The following PRDM8 variants were observed in gnomAD, a reference collection of about 807,000 sequenced individuals.
PRDM8 encodes the protein PR domain zinc finger protein 8.
Under a neutral mutation model 46.5 loss-of-function variants are expected in PRDM8, and 13 were observed. That is an observed-to-expected ratio of 0.28 (90% CI 0.18 to 0.44). The LOEUF (loss-of-function observed/expected upper bound fraction) is 0.44, where lower values mean the gene tolerates loss of function less well. Among genes scored for constraint, PRDM8 ranks in the 20% least tolerant of loss-of-function variants. The pLI, the probability that PRDM8 is intolerant of heterozygous loss-of-function variation, is 1.00. For synonymous variants in PRDM8, 473 were observed against 438.4 expected, an observed-to-expected ratio of 1.08 and a Z score of -0.98; for missense variants, 998 against 955.0, an observed-to-expected ratio of 1.04 and a Z score of -0.59.
chr4:80,199,574 GA>G (rs1300538596), intron 1 of PRDM8, among the ~76,000 whole-genome samples: 1 of 151,882 alleles, frequency 6.6e-6, no homozygotes, highest in Non-Finnish European at 1.5e-5. Context: ...TGGAAGAAAA[GA>G]AAAAAATCAG....
In PRDM8 at chr4:80,202,578, G is replaced by A. The variant is rs781108609; in HGVS notation, c.1116G>A (p.Ala372=). 1.4e-5 allele frequency: 22 copies of A among 1,534,192 alleles called. No homozygotes were observed. The South Asian group carries it at 2.6e-4, about 18-fold the overall frequency. ...FGLEENGRLF[A]PPSPETGEAK... ...TGGAAGAGAACGGCCGCCTCTTCGC[G>A]CCGCCAAGTCCCGAGACGGGCGAGG... Residue 372 remains alanine, a synonymous_variant, in exon 4 of 4, where the codon GCG becomes GCA. Coordinates refer to ENST00000415738, the MANE Select transcript of PRDM8 (RefSeq NM_001099403.2).
upstream of PRDM8, chr4:80,196,298 G>A (rs779914822): frequency 8.2e-5 from 81 of 983,394 alleles, no homozygotes; most frequent in Non-Finnish European, 9.5e-5. Context: ...GTGTGTGTGG[G>A]GCTGAAGGAG....
chr4:80,203,662 C>T lies in PRDM8; in HGVS notation c.*130C>T. The T allele has an allele frequency of 9.5e-6, 13 of 1,370,124 alleles. No individual in the cohort carries two copies. Among genetic ancestry groups the T allele is most frequent in the South Asian group, 1.5e-5 (1 of 65,392 alleles). 84.9% of individuals were successfully genotyped at this position (1,370,124 alleles called of 1,614,324 possible). ...GCACAAAGACACATACATTCACCGC[C>T]CCCCCGCCCCCCCAACGCGCACACA... On this transcript the variant is annotated 3_prime_UTR_variant, in exon 4 of 4. Coordinates refer to ENST00000415738, the MANE Select transcript of PRDM8 (RefSeq NM_001099403.2).
intron 1 of PRDM8, 51 bp downstream of exon 1, chr4:80,197,814 G>A (rs1736781127): frequency 1.0e-6 from 1 of 976,022 alleles, no homozygotes; most frequent in African/African-American, 1.8e-5. Flanking sequence ...AGACAGTTTG[G>A]TGGAAAGAGT....
chr4:80,199,707 ATATGTG>A (rs1738277686), intron 1 of PRDM8, among the ~76,000 whole-genome samples: 4 of 90,624 alleles, frequency 4.4e-5, no homozygotes, highest in South Asian at 3.3e-4. Context: ...ATATATATAT[ATATGTG>A]TGTGTGTGTG....
Position 80,203,214 on chromosome 4 carries a change from G to A in PRDM8, c.1752G>A (p.Lys584=). The part of the protein sequence containing the change: ...PFLYATAFWP[K]SSAAAAAAAA... ...TGTACGCCACCGCCTTCTGGCCCAAGAGCTCCGCTGCCGCTGCAGCCGCGG... is the reference window on the plus strand; with the variant it reads ...TGTACGCCACCGCCTTCTGGCCCAAAAGCTCCGCTGCCGCTGCAGCCGCGG... The change falls in exon 4 of 4, where the codon AAG becomes AAA. Residue 584 remains lysine (K), a synonymous_variant. Transcript: ENST00000415738. 6.4e-7 allele frequency: 1 copy of A among 1,552,380 alleles called. No individual in the cohort carries two copies. The highest frequency in any genetic ancestry group is 8.7e-7 in the Non-Finnish European group (1 of 1,150,660).
intron 1 of PRDM8, among the ~76,000 whole-genome samples, chr4:80,187,249 C>CG (rs138488658): frequency 3.3e-5 from 4 of 121,638 alleles, no homozygotes; most frequent in African/African-American, 8.8e-5. Flanking sequence ...TGCCCTGGGG[C>CG]GGGGGGAAGC....
intron 1 of PRDM8, chr4:80,189,903 C>T (rs1047625053): frequency 1.3e-5 from 2 of 152,170 alleles, no homozygotes; most frequent in Non-Finnish European, 2.9e-5. Flanking sequence ...GAGACCATCT[C>T]GTGTCCAAGA....
chr4:80,193,131 G>A (rs1423105029), upstream of PRDM8, among the ~76,000 whole-genome samples: 1 of 152,182 alleles, frequency 6.6e-6, no homozygotes, highest in East Asian at 1.9e-4. Flanking sequence ...GTATGAGTCA[G>A]AAGTAATGAT....
rs1738515534 is a variant in PRDM8, at chr4:80,202,088, G to A, written c.626G>A (p.Gly209Asp). ...TKDHGGGGGG[G>D]KDQQQQQQEA... The stretch of plus-strand genomic sequence containing the variant: ...GACCACGGGGGCGGCGGCGGCGGTG[G>A]CAAAGACCAGCAGCAGCAGCAGCAG... Residue 209 changes from glycine (G) to aspartate (D), a missense_variant, in exon 4 of 4, where the codon GGC becomes GAC. Gly to Asp is a moderately conservative substitution (Grantham distance 94, BLOSUM62 -1). Coordinates refer to ENST00000415738, the MANE Select transcript of PRDM8 (RefSeq NM_001099403.2). 6.2e-7 allele frequency: 1 copy of A among 1,606,324 alleles called. No individual in the cohort carries two copies. The highest frequency in any genetic ancestry group is 1.4e-5 in the African/African-American group (1 of 72,392).
chr4:80,193,281 G>A (rs928077701), upstream of PRDM8, among the ~76,000 whole-genome samples: 8 of 152,108 alleles, frequency 5.3e-5, no homozygotes, highest in Non-Finnish European at 1.0e-4. Flanking sequence ...TTAGGGTGAG[G>A]AACAGACCTA....
upstream of PRDM8, chr4:80,195,928 C>CACACACACACACACAGAGAG (rs373592223): frequency 2.1e-4 from 30 of 139,976 alleles, no homozygotes; most frequent in African/African-American, 8.6e-4. Context: ...CACACACACA[C>CACACACACACACACAGAGAG]AGAGAGAGAG....
upstream of PRDM8, chr4:80,194,193 G>T (rs890712213): frequency 4.1e-6 from 4 of 981,774 alleles, no homozygotes; most frequent in Middle Eastern, 5.2e-4. Context: ...TTTCCTACAT[G>T]TGTATTTTTG....
chr4:80,203,523 G>C lies in PRDM8; in HGVS notation c.2061G>C (p.Ser687=), dbSNP rs530807635. ...ERHHLSRHMT[S]HN is the part of the protein sequence containing the mutation. ...ACCACCTCTCCAGGCACATGACCTCGCATAATTGACTCGGAAAGGACCCCA... is the reference window on the plus strand; with the variant it reads ...ACCACCTCTCCAGGCACATGACCTCCCATAATTGACTCGGAAAGGACCCCA... The change falls in exon 4 of 4, where the codon TCG becomes TCC. Residue 687 remains serine, a synonymous_variant. Transcript: ENST00000415738. The C allele has an allele frequency of 1.9e-6, 3 of 1,608,126 alleles. No individual in the cohort carries two copies. The African/African-American group carries it at 4.0e-5, about 22-fold the overall frequency.
chr4:80,201,274 T>C lies in PRDM8; in HGVS notation c.220-16T>C, dbSNP rs758415401. Reference sequence around the variant, plus strand: ...CCCTCTCCTTCTTGTCTTCTTTCATTTATTTCAAACCGCAGGTAGACACCT... The same window carrying C: ...CCCTCTCCTTCTTGTCTTCTTTCATCTATTTCAAACCGCAGGTAGACACCT... On this transcript the variant is annotated splice_polypyrimidine_tract_variant and intron_variant, in intron 2 of 3. Transcript: ENST00000415738. 1.9e-6 allele frequency: 3 copies of C among 1,612,046 alleles called. No homozygotes were observed. The South Asian group carries it at 3.3e-5, about 18-fold the overall frequency.
Position 80,188,875 on chromosome 4 carries a change from T to G in PRDM8, c.-982-2597T>G, listed in dbSNP as rs113718707. Reference sequence around the variant, plus strand: ...TGTCGTGCGGCCCACAGGGCTCCGCTCGAAGCCAGCGTGCGGGCGCTGGGA... The same window carrying G: ...TGTCGTGCGGCCCACAGGGCTCCGCGCGAAGCCAGCGTGCGGGCGCTGGGA... On this transcript the variant is annotated intron_variant, in intron 1 of 9. Coordinates refer to the PRDM8 transcript ENST00000339711. Among the ~76,000 whole-genome samples the G allele has an allele frequency of 4.6e-3, 702 of 152,320 alleles. 5 individuals are homozygous for G. Among genetic ancestry groups the G allele is most frequent in the Non-Finnish European group, 5.9e-3 (400 of 68,008 alleles).
rs1738640851 is a variant in PRDM8, at chr4:80,202,858, C to T, written c.1396C>T (p.Leu466=). 2 of 1,241,264 alleles carry T rather than the reference C, an allele frequency of 1.6e-6. No individual in the cohort carries two copies. Among genetic ancestry groups the T allele is most frequent in the African/African-American group, 1.6e-5 (1 of 63,456 alleles). 76.9% of individuals were successfully genotyped at this position (1,241,264 alleles called of 1,614,324 possible). ...RGSAFTSVPQ[L]GSAGSTSGGG... is the part of the protein sequence containing the mutation. ...CAGCGCCTTCACTTCGGTGCCGCAG[C>T]TGGGCAGCGCGGGCAGCACCAGCGG... The change falls in exon 4 of 4, where the codon CTG becomes TTG. Residue 466 remains leucine, a synonymous_variant. Transcript: ENST00000415738.
chr4:80,193,058 T>A (rs190703564), upstream of PRDM8, among the ~76,000 whole-genome samples: 1 of 152,224 alleles, frequency 6.6e-6, no homozygotes, highest in Non-Finnish European at 1.5e-5. Flanking sequence ...GTGGTAGTAG[T>A]AGCTGCAGGA....
In PRDM8 at chr4:80,201,534, G is replaced by A. The variant is rs61999345; in HGVS notation, c.451+13G>A. ...AACAAAATGAATGGTAGGTTGGCTC[G>A]CGACCGGCGTGTGGGCCCTTAACTA... On this transcript the variant is annotated intron_variant, in intron 3 of 3. Transcript: ENST00000415738. The A allele has an allele frequency of 6.2e-6, 10 of 1,610,090 alleles. No homozygotes were observed. Among genetic ancestry groups the A allele is most frequent in the Non-Finnish European group, 7.7e-6 (9 of 1,176,448 alleles).
Sources: allele counts gnomAD v4.1 joint callset (sites outside exome capture counted in the v4.1 genomes callset), GRCh38; gene constraint gnomAD v4.1.1; transcripts MANE v1.5; gene names NCBI Gene and HGNC (gene_info 2026-07-23, HGNC 2026-07-21).